Variants in COG5 observed in about 807,000 individuals in gnomAD.
The protein encoded by COG5 is conserved oligomeric Golgi complex subunit 5.
In COG5, 86 loss-of-function variants were observed where a neutral mutation model predicts 110.4. That is an observed-to-expected ratio of 0.78 (90% CI 0.65 to 0.93). The LOEUF (loss-of-function observed/expected upper bound fraction) is 0.93, where lower values mean the gene tolerates loss of function less well. COG5 is among the 40% of genes least tolerant of loss of function. The pLI is 0.00. For synonymous variants in COG5, 360 were observed against 334.6 expected, an observed-to-expected ratio of 1.08 and a Z score of -0.83; for missense variants, 1,077 against 987.0, an observed-to-expected ratio of 1.09 and a Z score of -1.22.
intron 7 of COG5, among the ~76,000 whole-genome samples, chr7:107,406,144 TATG>T: frequency 6.6e-6 from 1 of 152,264 alleles, no homozygotes; most frequent in Non-Finnish European, 1.5e-5. Context: ...GTCAATAAAC[TATG>T]ATAATATGAT....
intron 16 of COG5, among the ~76,000 whole-genome samples, chr7:107,255,113 A>G (rs894163487): frequency 6.6e-6 from 1 of 151,854 alleles, no homozygotes; most frequent in Admixed American, 6.6e-5. Flanking sequence ...GGTAGTTATC[A>G]AAAAAATGTT....
intron 7 of COG5, among the ~76,000 whole-genome samples, chr7:107,375,791 T>G (rs1040952210): frequency 8.6e-5 from 13 of 151,992 alleles, no homozygotes; most frequent in Non-Finnish European, 1.5e-4. Flanking sequence ...AATCAAGTAT[T>G]TTAAGGAAAA....
intron 7 of COG5, among the ~76,000 whole-genome samples, chr7:107,380,996 A>C (rs769764667): frequency 6.6e-6 from 1 of 152,102 alleles, no homozygotes; most frequent in Non-Finnish European, 1.5e-5. Flanking sequence ...TAAATCAATA[A>C]ATGTAATCCA....
intron 7 of COG5, among the ~76,000 whole-genome samples, chr7:107,398,301 C>A (rs1791158871): frequency 1.3e-5 from 2 of 152,148 alleles, no homozygotes. Flanking sequence ...TTTATACATA[C>A]AATCAGGAGT....
intron 6 of COG5, among the ~76,000 whole-genome samples, chr7:107,521,736 G>A (rs1266293623): frequency 6.6e-6 from 1 of 152,198 alleles, no homozygotes; most frequent in Non-Finnish European, 1.5e-5. Context: ...GATTCCTCAA[G>A]TATCTAGAAC....
At chr7:107,226,451 T>TA (rs1800346727) in intron 19 of COG5, among the ~76,000 whole-genome samples, 1 of 152,222 alleles carries the variant, frequency 6.6e-6, no homozygotes. Context: ...TGCAGGTAGG[T>TA]AAAACAGAGG....
intron 17 of COG5, among the ~76,000 whole-genome samples, chr7:107,243,789 T>G (rs1184996066): frequency 2.0e-5 from 3 of 151,998 alleles, no homozygotes; most frequent in Admixed American, 6.6e-5. Context: ...CCTCAACAAA[T>G]GTAAAAGAAC....
chr7:107,366,349 A>G (rs186522090), intron 8 of COG5, among the ~76,000 whole-genome samples: 13 of 152,258 alleles, frequency 8.5e-5, no homozygotes, highest in Admixed American at 5.2e-4. Flanking sequence ...CCTCTCTCCC[A>G]CAGCATGCCC....
intron 21 of COG5, among the ~76,000 whole-genome samples, chr7:107,204,270 C>T (rs1196086441): frequency 6.6e-6 from 1 of 152,118 alleles, no homozygotes; most frequent in Non-Finnish European, 1.5e-5. Context: ...CTGAATCTAG[C>T]CTGATGCTTG....
In COG5 at chr7:107,469,032, T is replaced by C. The variant is rs186612934; in HGVS notation, c.539-56400A>G. Among the ~76,000 whole-genome samples the C allele has an allele frequency of 2.3e-3, 351 of 149,548 alleles. 3 individuals are homozygous for C. Among genetic ancestry groups the C allele is most frequent in the African/African-American group, 8.0e-3 (329 of 41,310 alleles). On this transcript the variant is annotated intron_variant, in intron 6 of 21. Transcript: ENST00000297135. ...TAAATTTAATTTAAATTTAATTTAA[T>C]TTAAAATTTTTAATTTAAATATTTA...
In COG5 at chr7:107,269,436, C is replaced by T. The variant is rs916029582; in HGVS notation, c.1576-11053G>A. ...CTTGCAGTGAGCCGAGATCGTGCCA[C>T]TGCACTCCAGCCTGGGCGACAGAGC... is the stretch of plus-strand genomic sequence containing the variant. On this transcript the variant is annotated intron_variant, in intron 14 of 21. Coordinates refer to ENST00000297135, the MANE Select transcript of COG5 (RefSeq NM_006348.5). Among the ~76,000 whole-genome samples the T allele has an allele frequency of 9.3e-5, 14 of 150,354 alleles. 1 individual carries two copies. The highest frequency in any genetic ancestry group is 1.3e-4 in the Admixed American group (2 of 15,050).
chr7:107,534,748 TAGTC>T (rs1398318121), intron 5 of COG5, among the ~76,000 whole-genome samples: 2 of 151,428 alleles, frequency 1.3e-5, no homozygotes, highest in African/African-American at 4.9e-5. Context: ...ATGTCAATAT[TAGTC>T]AGATCAACGA....
Position 107,266,452 on chromosome 7 carries a change from CT to C in COG5, c.1576-8070del, listed in dbSNP as rs1393643249. 2.2e-4 allele frequency among the ~76,000 whole-genome samples: 34 copies of C among 152,246 alleles called. No individual in the cohort carries two copies. In the East Asian group the frequency reaches 5.8e-3, roughly 26 times the overall value. ...TTTATGCTGTTACATCTCTTCTCTG[CT>C]TTTAGTGACTTCATCCAAGCTTAGC... is the stretch of plus-strand genomic sequence containing the variant. On this transcript the variant is annotated intron_variant, in intron 14 of 21. Transcript: ENST00000297135.
In COG5 at chr7:107,325,689, T is replaced by C. The variant is rs1355915715; in HGVS notation, c.1027-1168A>G. 2.0e-5 allele frequency among the ~76,000 whole-genome samples: 3 copies of C among 151,810 alleles called. No homozygotes were observed. The East Asian group carries it at 5.8e-4, about 29-fold the overall frequency. On this transcript the variant is annotated intron_variant, in intron 10 of 21. Transcript: ENST00000297135. ...ACAAACAAAAAAGTAAGAGTAAAAA[T>C]AAAATAAAATATCTCTAATGTTAAA... is the stretch of plus-strand genomic sequence containing the variant.
chr7:107,264,108 A>T (rs1448409568), intron 14 of COG5, among the ~76,000 whole-genome samples: 1 of 152,216 alleles, frequency 6.6e-6, no homozygotes, highest in Non-Finnish European at 1.5e-5. Flanking sequence ...GATACTATGG[A>T]AACACTTCTA....
chr7:107,225,912 A>G (rs940976634), intron 19 of COG5, among the ~76,000 whole-genome samples: 1 of 152,066 alleles, frequency 6.6e-6, no homozygotes, highest in Admixed American at 6.6e-5. Flanking sequence ...GCATGGTGGC[A>G]GGGGCCTGTA....
intron 11 of COG5, among the ~76,000 whole-genome samples, chr7:107,305,631 A>C (rs1336021917): frequency 1.3e-5 from 2 of 151,994 alleles, no homozygotes; most frequent in African/African-American, 4.8e-5. Flanking sequence ...GGTATCAACC[A>C]TGGGTGGAGT....
At position 107,558,142 on chromosome 7, in the gene COG5, G is replaced by T. The variant is rs375287156; in HGVS notation, c.95-27C>A. On this transcript the variant is annotated intron_variant, in intron 1 of 21. Transcript: ENST00000297135. ...TGGATTGGGGAAAAAATAAGGAAAA[G>T]TCCTTAATTACCCTGTACTAAACCA... The T allele has an allele frequency of 2.0e-4, 326 of 1,608,896 alleles. 4 individuals carry two copies. The South Asian group carries it at 2.2e-3, about 11-fold the overall frequency.
At chr7:107,217,057 A>G (rs1799581434) in intron 19 of COG5, among the ~76,000 whole-genome samples, 1 of 152,164 alleles carries the variant, frequency 6.6e-6, no homozygotes, top group African/African-American at 2.4e-5. Context: ...GGTACCACTG[A>G]AATACAAAGG....
Sources: allele counts gnomAD v4.1 joint callset (sites outside exome capture counted in the v4.1 genomes callset), GRCh38; gene constraint gnomAD v4.1.1; transcripts MANE v1.5; gene names NCBI Gene and HGNC (gene_info 2026-07-23, HGNC 2026-07-21).